CCND2: variants seen among roughly 807,000 people sequenced by gnomAD.
The protein encoded by CCND2 is G1/S-specific cyclin-D2.
Under a neutral mutation model 30.2 loss-of-function variants are expected in CCND2, and 6 were observed. The observed-to-expected ratio is 0.20, with a 90% CI of 0.11 to 0.39. The LOEUF is 0.39. Among genes scored for constraint, CCND2 ranks in the 10% least tolerant of loss-of-function variants. The pLI is 1.00. For missense variants in CCND2, 235 were observed against 373.4 expected, an observed-to-expected ratio of 0.63 and a Z score of 3.06; for synonymous variants, 150 against 153.1, an observed-to-expected ratio of 0.98 and a Z score of 0.15.
At position 4,278,799 on chromosome 12, in the gene CCND2, C is replaced by G. The variant is rs1221557392; in HGVS notation, c.451C>G (p.Leu151Val). Residue 151 changes from leucine (L) to valine (V), a missense_variant, in exon 3 of 5, where the codon CTG (leucine) becomes GTG (valine). Leu to Val is a conservative substitution (Grantham distance 32, BLOSUM62 1). Coordinates refer to ENST00000261254, the MANE Select transcript of CCND2 (RefSeq NM_001759.4). The stretch of plus-strand genomic sequence containing the variant: ...GGTGCTGGGGAAGTTGAAGTGGAAC[C>G]TGGCAGCTGTCACTCCTCATGACTT... Reference protein sequence around the residue: ...LVVLGKLKWNLAAVTPHDFIE... With the variant: ...LVVLGKLKWNVAAVTPHDFIE... 6.2e-7 allele frequency: 1 copy of G among 1,614,224 alleles called. No individual in the cohort carries two copies. The highest frequency in any genetic ancestry group is 8.5e-7 in the Non-Finnish European group (1 of 1,180,022).
rs1210964192 is a variant in CCND2 at position 4,301,123 on chromosome 12, C to T, written c.*1114C>T. On this transcript the variant is annotated 3_prime_UTR_variant, in exon 5 of 5. Coordinates refer to ENST00000261254, the MANE Select transcript of CCND2 (RefSeq NM_001759.4). Reference sequence around the variant, plus strand: ...TTCTGGTATCTGGCGTTCTTTGGTACACAGTTCTGGTGTTCCTACCAGGAC... The same window carrying T: ...TTCTGGTATCTGGCGTTCTTTGGTATACAGTTCTGGTGTTCCTACCAGGAC... The T allele has an allele frequency of 4.3e-6, 1 of 233,448 alleles. No individual in the cohort carries two copies. Among genetic ancestry groups the T allele is most frequent in the East Asian group, 6.0e-5 (1 of 16,578 alleles). 14.5% of individuals were successfully genotyped at this position (233,448 alleles called of 1,614,324 possible). A position where few individuals can be genotyped will look rare whatever the true frequency, so the allele number is the denominator to read the frequency against.
At chr12:4,286,379 A>T (rs1864022619) in intron 3 of CCND2, among the ~76,000 whole-genome samples, 1 of 152,224 alleles carries the variant, frequency 6.6e-6, no homozygotes, top group African/African-American at 2.4e-5. Flanking sequence ...ACTTGCCCAC[A>T]GTCCCACGTC....
chr12:4,289,771 G>A (rs1019492206), intron 4 of CCND2, among the ~76,000 whole-genome samples: 1 of 152,158 alleles, frequency 6.6e-6, no homozygotes, highest in Non-Finnish European at 1.5e-5. Flanking sequence ...GGTCAGAGAG[G>A]CCATTCCTTC....
rs188800008 is a variant in CCND2 at position 4,299,205 on chromosome 12, C to A, written c.721-655C>A. On this transcript the variant is annotated intron_variant, in intron 4 of 4. Transcript: ENST00000261254. This position sits in a 1 kb window ranked among gnomAD's most constrained non-coding sequence, Gnocchi z 5.2. ...TGAAACCCTGTCTGTACTAAAAATA[C>A]AAAAATTAGCCAGGCGCGGTGGCGG... Among the ~76,000 whole-genome samples the A allele has an allele frequency of 6.6e-6, 1 of 151,858 alleles. No homozygotes were observed. The highest frequency in any genetic ancestry group is 1.5e-5 in the Non-Finnish European group (1 of 67,956).
At position 4,296,507 on chromosome 12, in the gene CCND2, C is replaced by T. The variant is rs927016275; in HGVS notation, c.721-3353C>T. On this transcript the variant is annotated intron_variant, in intron 4 of 4. Coordinates refer to ENST00000261254, the MANE Select transcript of CCND2 (RefSeq NM_001759.4). ...TTCAGAGCTATTGTCTACCACGCCT[C>T]GTGTGCACACGCACACACACGCAAG... Among the ~76,000 whole-genome samples the T allele has an allele frequency of 3.9e-5, 6 of 152,390 alleles. 1 individual carries two copies. Among genetic ancestry groups the T allele is most frequent in the Admixed American group, 2.6e-4 (4 of 15,310 alleles).
chr12:4,297,147 A>ATT (rs1864180818), intron 4 of CCND2, among the ~76,000 whole-genome samples: 1 of 142,714 alleles, frequency 7.0e-6, no homozygotes, highest in African/African-American at 2.6e-5. Flanking sequence ...ATTCCACAGC[A>ATT]GTTCTGACCG....
intron 4 of CCND2, among the ~76,000 whole-genome samples, chr12:4,292,115 T>C (rs898935688): frequency 6.6e-6 from 1 of 152,160 alleles, no homozygotes. Context: ...TGACATTATG[T>C]GTATTTATGA....
intron 3 of CCND2, among the ~76,000 whole-genome samples, 157 bp from the exon 4 acceptor site, chr12:4,288,685 C>G (rs1864056065): frequency 6.6e-6 from 1 of 152,176 alleles, no homozygotes; most frequent in African/African-American, 2.4e-5. Context: ...AACACAGGCT[C>G]CTTGTGAAAG....
At chr12:4,278,541 C>T in intron 2 of CCND2, 1 of 444,368 alleles carries the variant, frequency 2.3e-6, no homozygotes, top group East Asian at 3.5e-5. Context: ...CCTGGGCTCT[C>T]ATTATTTTCA....
At position 4,292,709 on chromosome 12, in the gene CCND2, C is replaced by T. The variant is rs1192673467; in HGVS notation, c.720+3719C>T. ...GAGTGGTATATTTTAAATACTTTTTCCTTCCAATCGTAAGAGTTGCTAAAA... is the reference window on the plus strand; with the variant it reads ...GAGTGGTATATTTTAAATACTTTTTTCTTCCAATCGTAAGAGTTGCTAAAA... On this transcript the variant is annotated intron_variant, in intron 4 of 4. Transcript: ENST00000261254. Among the ~76,000 whole-genome samples, 26 of 152,110 alleles carry T rather than the reference C, an allele frequency of 1.7e-4. 1 individual carries two copies. Among genetic ancestry groups the T allele is most frequent in the Non-Finnish European group, 3.7e-4 (25 of 68,028 alleles).
In CCND2 at chr12:4,302,935, GC is replaced by G. The variant is rs28364775; in HGVS notation, c.*2928del. On this transcript the variant is annotated 3_prime_UTR_variant, in exon 5 of 5. Transcript: ENST00000261254. ...TAAGCTAGCCAGAGTTTTCTCAAGA[GC>G]CAGCTTTGCTCAGCACACTCTCCTG... The G allele has an allele frequency of 6.6e-3, 1,534 of 233,290 alleles. 63 individuals are homozygous for G. The East Asian group carries it at 0.085, about 13-fold the overall frequency. The allele number at this position is 233,290 out of a possible 1,614,324, so 14.5% of individuals were successfully genotyped here.
intron 4 of CCND2, among the ~76,000 whole-genome samples, chr12:4,291,048 A>T (rs540344776): frequency 5.9e-5 from 9 of 152,234 alleles, no homozygotes; most frequent in Non-Finnish European, 1.0e-4. Flanking sequence ...ATATTTAAAA[A>T]CCAAGAGTGA....
Position 4,302,047 on chromosome 12 carries a change from T to C in CCND2, c.*2038T>C, listed in dbSNP as rs1864257622. On this transcript the variant is annotated 3_prime_UTR_variant, in exon 5 of 5. Coordinates refer to ENST00000261254, the MANE Select transcript of CCND2 (RefSeq NM_001759.4). Reference sequence around the variant, plus strand: ...CTACAAAAGGCAATGATTCACGCTTTTGTTTTCATAATACCTCACAACCGT... The same window carrying C: ...CTACAAAAGGCAATGATTCACGCTTCTGTTTTCATAATACCTCACAACCGT... 1 of 233,216 alleles carries C rather than the reference T, an allele frequency of 4.3e-6. No homozygotes were observed. Among genetic ancestry groups the C allele is most frequent in the African/African-American group, 2.2e-5 (1 of 45,278 alleles). The allele number at this position is 233,216 out of a possible 1,614,324, so 14.4% of individuals were successfully genotyped here.
rs949311427 is a variant in CCND2, at chr12:4,300,159, G to C, written c.*150G>C. ...ATATTTAAAGATCTTTTAGAAGTGA[G>C]AGAAAAAGGTCCTACGAAAACGGAA... On this transcript the variant is annotated 3_prime_UTR_variant, in exon 5 of 5. Coordinates refer to ENST00000261254, the MANE Select transcript of CCND2 (RefSeq NM_001759.4). 2 of 756,238 alleles carry C rather than the reference G, an allele frequency of 2.6e-6. No individual in the cohort carries two copies. The highest frequency in any genetic ancestry group is 1.7e-5 in the African/African-American group (1 of 57,258). 46.8% of individuals were successfully genotyped at this position (756,238 alleles called of 1,614,324 possible).
At position 4,287,866 on chromosome 12, in the gene CCND2, G is replaced by C. The variant is rs550007396; in HGVS notation, c.572-976G>C. Among the ~76,000 whole-genome samples the C allele has an allele frequency of 2.0e-5, 3 of 152,288 alleles. No individual in the cohort carries two copies. The highest frequency in any genetic ancestry group is 6.5e-5 in the Admixed American group (1 of 15,298). On this transcript the variant is annotated intron_variant, in intron 3 of 4. Transcript: ENST00000261254. This position sits in a 1 kb window ranked among gnomAD's most constrained non-coding sequence, Gnocchi z 4.0. ...ACCCAGCCCCTCTGAAGGAGTGCTC[G>C]GAGGAACACAAGGGGGCTGGTCTTC... is the stretch of plus-strand genomic sequence containing the variant.
chr12:4,284,771 C>G (rs1863999915), intron 3 of CCND2, among the ~76,000 whole-genome samples: 1 of 134,294 alleles, frequency 7.4e-6, no homozygotes, highest in Non-Finnish European at 1.5e-5. Context: ...CAGTCTTGCT[C>G]TGTCACCCAG....
chr12:4,295,955 T>C (rs1864163168), intron 4 of CCND2, among the ~76,000 whole-genome samples: 1 of 152,238 alleles, frequency 6.6e-6, no homozygotes, highest in South Asian at 2.1e-4. Context: ...TGCACGCACA[T>C]GTCACCTCAA....
At position 4,282,988 on chromosome 12, in the gene CCND2, A is replaced by G. The variant is rs1213172508; in HGVS notation, c.571+4069A>G. On this transcript the variant is annotated intron_variant, in intron 3 of 4. Coordinates refer to ENST00000261254, the MANE Select transcript of CCND2 (RefSeq NM_001759.4). The surrounding 1 kb of genome is among the most constrained non-coding windows in gnomAD (Gnocchi z 4.3). ...TTTCTTCTTCAGCGTCAGAGTGCGT[A>G]TCTCTCTCCCCCTATTGGTGAACAG... is the stretch of plus-strand genomic sequence containing the variant. Among the ~76,000 whole-genome samples, 2 of 152,150 alleles carry G rather than the reference A, an allele frequency of 1.3e-5. No homozygotes were observed. Among genetic ancestry groups the G allele is most frequent in the Admixed American group, 1.3e-4 (2 of 15,278 alleles).
intron 4 of CCND2, among the ~76,000 whole-genome samples, chr12:4,289,907 C>T (rs1338011250): frequency 4.6e-5 from 7 of 152,098 alleles, no homozygotes; most frequent in Admixed American, 2.0e-4. Context: ...CCCTTGTTGC[C>T]GCTCCTGGGA....
Sources: allele counts gnomAD v4.1 joint callset (sites outside exome capture counted in the v4.1 genomes callset), GRCh38; gene constraint gnomAD v4.1.1; non-coding constraint Gnocchi (gnomAD v3.1); transcripts MANE v1.5; gene names NCBI Gene and HGNC (gene_info 2026-07-23, HGNC 2026-07-21).